NEK4: variants seen among roughly 807,000 people sequenced by gnomAD.
NEK4 encodes NIMA related kinase 4, also known as serine/threonine-protein kinase Nek4.
NEK4 carries 86 observed loss-of-function variants against 98.4 expected under a neutral mutation model. That is an observed-to-expected ratio of 0.87 (90% confidence interval 0.73 to 1.05). The LOEUF (loss-of-function observed/expected upper bound fraction) is 1.05, where lower values mean the gene tolerates loss of function less well. Among genes scored for constraint, NEK4 ranks in the 50% least tolerant of loss-of-function variants. The pLI is 0.00. For synonymous variants in NEK4, 328 were observed against 342.2 expected (o/e 0.96, Z 0.46); for missense variants, 898 against 950.3 (o/e 0.94, Z 0.72).
chr3:52,768,266 T>C, intron 2 of NEK4, 72 bp downstream of exon 2: 1 of 1,443,088 alleles, frequency 6.9e-7, no homozygotes, highest in Non-Finnish European at 9.5e-7. Context: ...TGAAGAAAAA[T>C]TTTCCTAAAA....
chr3:52,746,610 A>G (rs2097396514), intron 9 of NEK4, 124 bp downstream of exon 9: 7 of 834,778 alleles, frequency 8.4e-6, no homozygotes, highest in Non-Finnish European at 1.1e-5. Context: ...GCATCTTGCC[A>G]TTGTCACCCT....
chr3:52,733,668 C>G (rs1284006338), intron 15 of NEK4: 2 of 465,964 alleles, frequency 4.3e-6, no homozygotes, highest in Non-Finnish European at 4.3e-6. Flanking sequence ...CTAATCCATA[C>G]TGGAGAGAAA....
Position 52,770,637 on chromosome 3 carries a change from GC to G in NEK4, c.93+16del. The G allele has an allele frequency of 6.5e-7, 1 of 1,535,808 alleles. No homozygotes were observed. On this transcript the variant is annotated intron_variant, in intron 1 of 15. Transcript: ENST00000233027. ...TCTGCCCGCCCCCGCCCCTTGCCGG[GC>G]CCCACCCCTGCAGACCTGCTTGCCG... is the stretch of plus-strand genomic sequence containing the variant.
In NEK4 at chr3:52,709,368, G is replaced by T. The variant is rs6445534; in HGVS notation, c.*2409C>A. The T allele has an allele frequency of 6.6e-6, 1 of 151,718 alleles. No individual in the cohort carries two copies. Among genetic ancestry groups the T allele is most frequent in the Non-Finnish European group, 1.5e-5 (1 of 67,962 alleles). The allele number at this position is 151,718 out of a possible 1,614,324, so 9.4% of individuals were successfully genotyped here. ...AAAAACGATAAAAGTGGGAAGAAAA[G>T]ATGTTTAAACAAAATAAAAATATAC... On this transcript the variant is annotated 3_prime_UTR_variant, in exon 16 of 16. Transcript: ENST00000233027.
chr3:52,745,310 G>A (rs1468885265), intron 10 of NEK4, among the ~76,000 whole-genome samples: 1 of 151,878 alleles, frequency 6.6e-6, no homozygotes, highest in Non-Finnish European at 1.5e-5. Flanking sequence ...GCCGGGTGCG[G>A]TGGTTCATAC....
chr3:52,722,139 G>A (rs1299159969), intron 15 of NEK4, among the ~76,000 whole-genome samples: 1 of 152,168 alleles, frequency 6.6e-6, no homozygotes, highest in Non-Finnish European at 1.5e-5. Context: ...AAAAGCCCTG[G>A]ACTCAGCCAT....
At chr3:52,754,487 C>A (rs929938148) in intron 6 of NEK4, 3 of 767,306 alleles carry the variant, frequency 3.9e-6, no homozygotes, top group Admixed American at 1.9e-5. Context: ...ATGTATTACT[C>A]GTCTGTCTGA....
intron 4 of NEK4, among the ~76,000 whole-genome samples, chr3:52,765,645 TTC>T (rs1168058129): frequency 2.0e-5 from 3 of 152,220 alleles, no homozygotes; most frequent in African/African-American, 7.2e-5. Flanking sequence ...GGCATAGGTT[TTC>T]AAAAAGCCAA....
rs1241758083 is a variant in NEK4, at chr3:52,711,751, T to A, written c.*26A>T. ...AAATCCTCTAAAAATAGGTCTTTAA[T>A]TCTGGCAGCAGATTAGGACAAATGC... On this transcript the variant is annotated 3_prime_UTR_variant, in exon 16 of 16. Coordinates refer to ENST00000233027, the MANE Select transcript of NEK4 (RefSeq NM_003157.6). 2.2e-5 allele frequency: 32 copies of A among 1,480,138 alleles called. No homozygotes were observed. The highest frequency in any genetic ancestry group is 3.0e-5 in the Non-Finnish European group (32 of 1,061,184). The allele number at this position is 1,480,138 out of a possible 1,614,324, so 91.7% of individuals were successfully genotyped here.
chr3:52,744,348 AT>A, intron 10 of NEK4, 43 bp from the exon 11 acceptor site: 1 of 1,421,676 alleles, frequency 7.0e-7, no homozygotes, highest in Non-Finnish European at 1.0e-6. Context: ...CCTACTTGCT[AT>A]TTTTATAACA....
rs887656292 is a variant in NEK4, at chr3:52,710,516, T to G, written c.*1261A>C. 1.3e-5 allele frequency: 2 copies of G among 152,152 alleles called. No homozygotes were observed. Among genetic ancestry groups the G allele is most frequent in the African/African-American group, 4.8e-5 (2 of 41,430 alleles). The allele number at this position is 152,152 out of a possible 1,614,324, so 9.4% of individuals were successfully genotyped here. ...TGGCTCATTCCTGTAATCCTGGCAC[T>G]TTGGGAGGCTGAGGTGAGTGGATTG... On this transcript the variant is annotated 3_prime_UTR_variant, in exon 16 of 16. Transcript: ENST00000233027.
intron 10 of NEK4, among the ~76,000 whole-genome samples, chr3:52,744,843 C>A (rs2097393237): frequency 6.6e-6 from 1 of 151,940 alleles, no homozygotes; most frequent in African/African-American, 2.4e-5. Context: ...ATGATCACAG[C>A]CCTCGTTTCT....
At position 52,765,990 on chromosome 3, in the gene NEK4, T is replaced by A. The variant is rs774378130; in HGVS notation, c.563A>T (p.Asp188Val). ...GACACAGCATCCTAGAGCCCAAACA[T>A]CAGACTAGAAAATAAAAACAGTAAA... The part of the protein sequence containing the change: ...FSNKPYNYKS[D>V]VWALGCCVYE... The change falls in exon 4 of 16, where the codon GAT (aspartate) becomes GTT (valine). Residue 188 changes from aspartate (D) to valine (V), a missense_variant. Physicochemically the swap from Asp to Val is radical, Grantham distance 152 (BLOSUM62 -3). Transcript: ENST00000233027. 5 of 1,600,766 alleles carry A rather than the reference T, an allele frequency of 3.1e-6. No individual in the cohort carries two copies. Among genetic ancestry groups the A allele is most frequent in the Non-Finnish European group, 4.3e-6 (5 of 1,168,640 alleles).
chr3:52,724,994 A>C (rs2097363209), intron 15 of NEK4, among the ~76,000 whole-genome samples: 1 of 152,246 alleles, frequency 6.6e-6, no homozygotes, highest in Admixed American at 6.5e-5. Flanking sequence ...CCTTTGGTAA[A>C]GATAAACAGA....
Position 52,739,505 on chromosome 3 carries a change from T to C in NEK4, c.2223A>G (p.Lys741=). The C allele has an allele frequency of 1.2e-6, 2 of 1,614,172 alleles. No individual in the cohort carries two copies. The highest frequency in any genetic ancestry group is 8.5e-7 in the Non-Finnish European group (1 of 1,180,002). The change falls in exon 14 of 16, where the codon AAA becomes AAG. Residue 741 remains lysine (K), a synonymous_variant. Coordinates refer to ENST00000233027, the MANE Select transcript of NEK4 (RefSeq NM_003157.6). ...NPVSEFKLHR[K]YRDTLILHGK... ...CATGAAGTATCAGTGTGTCCCGATA[T>C]TTCCGATGAAGTTTGAATTCTGACA...
In NEK4 at chr3:52,739,530, A is replaced by G. The variant is rs1427650718; in HGVS notation, c.2198T>C (p.Val733Ala). 18 of 1,614,090 alleles carry G rather than the reference A, an allele frequency of 1.1e-5. No individual in the cohort carries two copies. Among genetic ancestry groups the G allele is most frequent in the East Asian group, 4.5e-5 (2 of 44,884 alleles). The change falls in exon 14 of 16, where the codon GTG (valine) becomes GCG (alanine). Residue 733 changes from valine to alanine, a missense_variant. Physicochemically the swap from Val to Ala is moderately conservative, Grantham distance 64. Coordinates refer to ENST00000233027, the MANE Select transcript of NEK4 (RefSeq NM_003157.6). ...TTTCCGATGAAGTTTGAATTCTGAC[A>G]CTGGGTTTGCTACCGGGACATCTTC... Reference protein sequence around the residue: ...SCEDVPVANPVSEFKLHRKYR... With the variant: ...SCEDVPVANPASEFKLHRKYR...
intron 14 of NEK4, 73 bp from the exon 15 acceptor site, chr3:52,737,792 T>A (rs1046655585): frequency 2.8e-6 from 3 of 1,076,178 alleles, no homozygotes; most frequent in African/African-American, 3.2e-5. Context: ...TGCAATTTTT[T>A]AAAATTTTGT....
Position 52,752,132 on chromosome 3 carries a change from A to T in NEK4, c.1168T>A (p.Tyr390Asn), listed in dbSNP as rs1357157582. 6.2e-7 allele frequency: 1 copy of T among 1,614,184 alleles called. No homozygotes were observed. The highest frequency in any genetic ancestry group is 1.3e-5 in the African/African-American group (1 of 75,040). Residue 390 changes from tyrosine to asparagine, a missense_variant, in exon 7 of 16, where the codon TAT becomes AAT. Transcript: ENST00000233027. ...DGFVQENQPR[Y>N]LDASNELGGI... The stretch of plus-strand genomic sequence containing the variant: ...CCTAACTCATTAGAGGCATCCAAAT[A>T]TCTTGGCTGATTCTCCTGAACAAAG...
At chr3:52,741,236 C>CAAAAAAAA (rs35123782) in intron 13 of NEK4, among the ~76,000 whole-genome samples, 175 bp downstream of exon 13, 2 of 59,596 alleles carry the variant, frequency 3.4e-5, no homozygotes, top group African/African-American at 6.4e-5. Flanking sequence ...AACTCCGTCT[C>CAAAAAAAA]AAAAAAAAAA....
Sources: allele counts gnomAD v4.1 joint callset (sites outside exome capture counted in the v4.1 genomes callset), GRCh38; gene constraint gnomAD v4.1.1; transcripts MANE v1.5; gene names NCBI Gene and HGNC (gene_info 2026-07-23, HGNC 2026-07-21).